The following IPO8 variants were observed in gnomAD, a reference collection of about 807,000 sequenced individuals.
The protein encoded by IPO8 is importin-8.
In IPO8, 65 loss-of-function variants were observed where a neutral mutation model predicts 141.2. The ratio of observed to expected loss-of-function variants is 0.46; its 90% confidence interval spans 0.38 to 0.57. IPO8 has a LOEUF of 0.57. Ranked by LOEUF, IPO8 falls within the 20% of genes least tolerant of loss-of-function variation. The pLI, the probability that IPO8 is intolerant of heterozygous loss-of-function variation, is 0.00. For missense variants in IPO8, 980 were observed against 1,246.8 expected (o/e 0.79, Z 3.22); for synonymous variants, 411 against 420.3 (o/e 0.98, Z 0.27).
At chr12:30,667,442 T>C (rs1354996134) in intron 10 of IPO8, among the ~76,000 whole-genome samples, 1 of 152,270 alleles carries the variant, frequency 6.6e-6, no homozygotes, top group East Asian at 1.9e-4. Context: ...GAGATGTTGG[T>C]TAAAGAGTAG....
chr12:30,631,303 C>T (rs774002450), intron 24 of IPO8, among the ~76,000 whole-genome samples: 17 of 152,162 alleles, frequency 1.1e-4, no homozygotes, highest in Non-Finnish European at 2.4e-4. Flanking sequence ...TAAGTCCATG[C>T]AGAAGAGCCA....
chr12:30,639,378 A>C (rs1342678239), intron 21 of IPO8, 137 bp downstream of exon 21: 5 of 617,228 alleles, frequency 8.1e-6, no homozygotes, highest in Non-Finnish European at 1.4e-5. Context: ...TAATCCTCTA[A>C]AAATTAAATA....
intron 15 of IPO8, among the ~76,000 whole-genome samples, chr12:30,661,981 G>A (rs886432666): frequency 5.3e-5 from 8 of 152,240 alleles, no homozygotes; most frequent in South Asian, 4.1e-4. Flanking sequence ...GAAATGTGTC[G>A]TTAGGCAATT....
chr12:30,676,321 G>C (rs1004323323), intron 6 of IPO8, among the ~76,000 whole-genome samples, 177 bp downstream of exon 6: 7 of 152,028 alleles, frequency 4.6e-5, no homozygotes, highest in African/African-American at 1.7e-4. Flanking sequence ...TTTCATTTTT[G>C]GTAGGATTTA....
chr12:30,693,925 T>C (rs189658527), intron 1 of IPO8, among the ~76,000 whole-genome samples: 1 of 152,118 alleles, frequency 6.6e-6, no homozygotes, highest in East Asian at 1.9e-4. Flanking sequence ...TGAAATACCA[T>C]GGGAAAAAAA....
At chr12:30,669,815 A>T (rs983296875) in intron 9 of IPO8, among the ~76,000 whole-genome samples, 3 of 152,082 alleles carry the variant, frequency 2.0e-5, no homozygotes, top group Admixed American at 2.0e-4. Context: ...AAAAAAACTA[A>T]TTTCCTACTC....
chr12:30,671,131 C>T (rs770838287), intron 8 of IPO8, 35 bp from the exon 9 acceptor site: 2 of 1,455,620 alleles, frequency 1.4e-6, no homozygotes, highest in Non-Finnish European at 1.9e-6. Flanking sequence ...CTAACATAAA[C>T]AATTATAAGG....
intron 20 of IPO8, 30 bp downstream of exon 20, chr12:30,649,107 C>T (rs1565496776): frequency 6.9e-7 from 1 of 1,447,930 alleles, no homozygotes; most frequent in South Asian, 1.2e-5. Flanking sequence ...ATGTAACCCT[C>T]AAGTAAGGCA....
intron 22 of IPO8, among the ~76,000 whole-genome samples, chr12:30,634,889 A>AT (rs2136123611): frequency 6.6e-6 from 1 of 152,280 alleles, no homozygotes; most frequent in South Asian, 2.1e-4. Flanking sequence ...TCATCGCAGC[A>AT]TTATTCACAA....
At chr12:30,675,090 A>C (rs2053101834) in intron 6 of IPO8, among the ~76,000 whole-genome samples, 3 of 152,218 alleles carry the variant, frequency 2.0e-5, no homozygotes, top group African/African-American at 4.8e-5. Flanking sequence ...GTATGTCAAA[A>C]TTCACTGAAC....
chr12:30,656,629 G>T, intron 17 of IPO8, 55 bp downstream of exon 17: 3 of 1,036,820 alleles, frequency 2.9e-6, no homozygotes, highest in Non-Finnish European at 4.2e-6. Context: ...TATACTTTGA[G>T]TTCAAATTTT....
At chr12:30,643,861 A>G (rs540315705) in intron 20 of IPO8, among the ~76,000 whole-genome samples, 4 of 152,346 alleles carry the variant, frequency 2.6e-5, no homozygotes, top group Non-Finnish European at 5.9e-5. Context: ...TTTATTCTAT[A>G]GTCTTCTGAA....
At chr12:30,661,060 G>A (rs2052879369) in intron 16 of IPO8, 81 bp downstream of exon 16, 2 of 1,053,210 alleles carry the variant, frequency 1.9e-6, no homozygotes, top group Non-Finnish European at 2.6e-6. Context: ...TAAAAGTGGA[G>A]ACTTCAAAAT....
chr12:30,673,690 A>G lies in IPO8; in HGVS notation c.909+300T>C, dbSNP rs10506069. On this transcript the variant is annotated intron_variant, in intron 8 of 24. Coordinates refer to ENST00000256079, the MANE Select transcript of IPO8 (RefSeq NM_006390.4). Reference sequence around the variant, plus strand: ...AAAACTCATAAGAGGTCAGAGAATTAATAGAAGAACCCAATCTAATACTGG... The same window carrying G: ...AAAACTCATAAGAGGTCAGAGAATTGATAGAAGAACCCAATCTAATACTGG... 7.4e-3 allele frequency among the ~76,000 whole-genome samples: 1,127 copies of G among 152,346 alleles called. 12 individuals carry two copies. The highest frequency in any genetic ancestry group is 0.014 in the Middle Eastern group (4 of 294).
At chr12:30,638,560 G>C (rs2052533535) in intron 21 of IPO8, among the ~76,000 whole-genome samples, 1 of 152,046 alleles carries the variant, frequency 6.6e-6, no homozygotes, top group Admixed American at 6.5e-5. Flanking sequence ...TTAGATATTA[G>C]ATAGTGTTTT....
intron 22 of IPO8, among the ~76,000 whole-genome samples, chr12:30,636,573 A>C (rs555606265): frequency 1.3e-5 from 2 of 152,256 alleles, no homozygotes; most frequent in South Asian, 4.2e-4. Context: ...GACACTCTCT[A>C]CTAATCTGTG....
In IPO8 at chr12:30,695,715, C is replaced by T. The variant is rs895511295; in HGVS notation, c.-68G>A. On this transcript the variant is annotated 5_prime_UTR_variant, in exon 1 of 25. Transcript: ENST00000256079. The surrounding 1 kb of genome is among the most constrained non-coding windows in gnomAD (Gnocchi z 4.2). ...GACTGCAGCTTTAGTTTTCTTTTGA[C>T]CCTCTCAGCCTCCTCTTCCGCGACC... 5 of 1,418,288 alleles carry T rather than the reference C, an allele frequency of 3.5e-6. No homozygotes were observed. Among genetic ancestry groups the T allele is most frequent in the Middle Eastern group, 1.8e-4 (1 of 5,678 alleles). 87.9% of individuals were successfully genotyped at this position (1,418,288 alleles called of 1,614,324 possible). A position where few individuals can be genotyped will look rare whatever the true frequency, so the allele number is the denominator to read the frequency against.
chr12:30,657,019 T>G (rs891614208), intron 16 of IPO8, among the ~76,000 whole-genome samples: 3 of 151,920 alleles, frequency 2.0e-5, no homozygotes, highest in African/African-American at 7.3e-5. Context: ...AAGATTTCAG[T>G]GTGAAGAAAT....
chr12:30,676,368 A>G, intron 6 of IPO8, 130 bp downstream of exon 6: 3 of 425,318 alleles, frequency 7.1e-6, no homozygotes, highest in Non-Finnish European at 1.3e-5. Flanking sequence ...TGGTATTATG[A>G]ATTATTTTAT....
Sources: allele counts gnomAD v4.1 joint callset (sites outside exome capture counted in the v4.1 genomes callset), GRCh38; gene constraint gnomAD v4.1.1; non-coding constraint Gnocchi (gnomAD v3.1); transcripts MANE v1.5; gene names NCBI Gene and HGNC (gene_info 2026-07-23, HGNC 2026-07-21).